Variants in NOP9 observed in about 807,000 individuals in gnomAD.
NOP9 encodes the protein NOP9 nucleolar protein.
NOP9 carries 50 observed loss-of-function variants against 63.0 expected under a neutral mutation model. That is an observed-to-expected ratio of 0.79 (90% CI 0.63 to 1.00). NOP9 has a LOEUF of 1.00. Among genes scored for constraint, NOP9 ranks in the 50% least tolerant of loss-of-function variants. The pLI, the probability that NOP9 is intolerant of heterozygous loss-of-function variation, is 0.00. For missense variants in NOP9, 758 were observed against 803.0 expected, an observed-to-expected ratio of 0.94 and a Z score of 0.68; for synonymous variants, 343 against 332.8, an observed-to-expected ratio of 1.03 and a Z score of -0.33.
At chr14:24,292,142 G>A in the NOP9 span, 16 of 1,612,078 alleles carry the variant, frequency 9.9e-6, no homozygotes, top group South Asian at 3.3e-5. Flanking sequence ...TGCAGAGGCC[G>A]ACTCCCCTGT....
chr14:24,282,441 A>G, the NOP9 span, among the ~76,000 whole-genome samples: 1 of 152,160 alleles, frequency 6.6e-6, no homozygotes, highest in East Asian at 1.9e-4. Context: ...GGTGCCCAAT[A>G]AACCTGAATT....
chr14:24,293,176 T>C, the NOP9 span: 12 of 173,172 alleles, frequency 6.9e-5, no homozygotes, highest in Admixed American at 5.6e-4. Flanking sequence ...ATCATTTCTA[T>C]GTAAATCAAT....
At chr14:24,291,888 T>A in the NOP9 span, 1 of 602,878 alleles carries the variant, frequency 1.7e-6, no homozygotes, top group Non-Finnish European at 2.9e-6. Flanking sequence ...TGTTTGGACC[T>A]TCTAAGCTAG....
At chr14:24,287,618 A>G in the NOP9 span, among the ~76,000 whole-genome samples, 2 of 152,200 alleles carry the variant, frequency 1.3e-5, no homozygotes, top group Non-Finnish European at 2.9e-5. Context: ...CTGAATCTAA[A>G]TTTAAGCCAC....
chr14:24,296,733 G>A, upstream of NOP9: 2 of 1,614,158 alleles, frequency 1.2e-6, no homozygotes, highest in East Asian at 2.2e-5. Context: ...AAGTTCAAAG[G>A]GTACCTGGAC....
chr14:24,303,262 T>A (rs2041410007), intron 6 of NOP9, 48 bp downstream of exon 6: 1 of 1,610,446 alleles, frequency 6.2e-7, no homozygotes. Flanking sequence ...GTTCAACTTC[T>A]ACCTTTTAGG....
rs1322632321 is a variant in NOP9, at chr14:24,308,332, T to G, written c.*3237T>G. The G allele has an allele frequency of 1.4e-5, 3 of 219,702 alleles. No homozygotes were observed. Among genetic ancestry groups the G allele is most frequent in the Non-Finnish European group, 2.8e-5 (3 of 108,004 alleles). 13.6% of individuals were successfully genotyped at this position (219,702 alleles called of 1,614,324 possible). A position where few individuals can be genotyped will look rare whatever the true frequency, so the allele number is the denominator to read the frequency against. Reference sequence around the variant, plus strand: ...TAGGAAAAGGGAACCCGGGGCAGAGTGTGGGGAAGTGGGATGGCAGCATGG... The same window carrying G: ...TAGGAAAAGGGAACCCGGGGCAGAGGGTGGGGAAGTGGGATGGCAGCATGG... On this transcript the variant is annotated 3_prime_UTR_variant, in exon 10 of 10. Coordinates refer to ENST00000267425, the MANE Select transcript of NOP9 (RefSeq NM_174913.3).
In NOP9 at chr14:24,307,720, GA is replaced by G. The variant is rs892163147; in HGVS notation, c.*2627del. The stretch of plus-strand genomic sequence containing the variant: ...CACTGTGGAGTGGGGAGCAGGAGAG[GA>G]AGGGGTACTGGTTAGTCTCCTAGGG... On this transcript the variant is annotated 3_prime_UTR_variant, in exon 10 of 10. Coordinates refer to ENST00000267425, the MANE Select transcript of NOP9 (RefSeq NM_174913.3). The G allele has an allele frequency of 5.9e-6, 8 of 1,365,160 alleles. No individual in the cohort carries two copies. The African/African-American group carries it at 1.2e-4, about 20-fold the overall frequency. The allele number at this position is 1,365,160 out of a possible 1,614,324, so 84.6% of individuals were successfully genotyped here.
chr14:24,307,720 G>A lies in NOP9; in HGVS notation c.*2625G>A. The A allele has an allele frequency of 7.3e-7, 1 of 1,365,278 alleles. No individual in the cohort carries two copies. Among genetic ancestry groups the A allele is most frequent in the Non-Finnish European group, 1.0e-6 (1 of 976,714 alleles). 84.6% of individuals were successfully genotyped at this position (1,365,278 alleles called of 1,614,324 possible). Reference sequence around the variant, plus strand: ...CACTGTGGAGTGGGGAGCAGGAGAGGAAGGGGTACTGGTTAGTCTCCTAGG... The same window carrying A: ...CACTGTGGAGTGGGGAGCAGGAGAGAAAGGGGTACTGGTTAGTCTCCTAGG... On this transcript the variant is annotated 3_prime_UTR_variant, in exon 10 of 10. Coordinates refer to ENST00000267425, the MANE Select transcript of NOP9 (RefSeq NM_174913.3).
the NOP9 span, chr14:24,291,148 C>G: frequency 6.2e-7 from 1 of 1,614,150 alleles, no homozygotes; most frequent in Non-Finnish European, 8.5e-7. Flanking sequence ...CCGTCCACAT[C>G]CCGAAGGCCA....
chr14:24,290,417 T>G, the NOP9 span, among the ~76,000 whole-genome samples: 1 of 152,284 alleles, frequency 6.6e-6, no homozygotes, highest in South Asian at 2.1e-4. Context: ...GTGGAGCGAC[T>G]CTGCTCCTCA....
chr14:24,292,052 A>G, the NOP9 span: 1 of 1,126,972 alleles, frequency 8.9e-7, no homozygotes, highest in African/African-American at 1.5e-5. Flanking sequence ...TAAAGGAAAT[A>G]ATGTGTGTCC....
At chr14:24,294,270 A>C in the NOP9 span, 1 of 152,126 alleles carries the variant, frequency 6.6e-6, no homozygotes, top group East Asian at 1.9e-4. Context: ...ATACAAAGAT[A>C]CATGTATATT....
chr14:24,300,799 G>A lies in NOP9; in HGVS notation c.639G>A (p.Val213=), dbSNP rs769524796. 22 of 1,614,094 alleles carry A rather than the reference G, an allele frequency of 1.4e-5. No individual in the cohort carries two copies. In the East Asian group the frequency reaches 4.9e-4, roughly 36 times the overall value. Residue 213 remains valine (V), a synonymous_variant, in exon 2 of 10, where the codon GTG becomes GTA. Transcript: ENST00000267425. Reference sequence around the variant, plus strand: ...TCGTGGTCAGAACTCTGCTTCAGGTGTTAGGAGGGACTATTCTGGAGTCTG... The same window carrying A: ...TCGTGGTCAGAACTCTGCTTCAGGTATTAGGAGGGACTATTCTGGAGTCTG... ...GSFVVRTLLQ[V]LGGTILESER...
chr14:24,303,109 G>C lies in NOP9; in HGVS notation c.1179G>C (p.Leu393Phe), dbSNP rs1175207162. ...TGTTTGAGGAGCTGAGCCCTGTCTT[G>C]GAAGCTGTATTGGCCCAGGGCCACC... Reference protein sequence around the residue: ...SPVFEELSPVLEAVLAQGHPG... With the variant: ...SPVFEELSPVFEAVLAQGHPG... The change falls in exon 6 of 10, where the codon TTG becomes TTC. Residue 393 changes from leucine to phenylalanine, a missense_variant. Leu to Phe is a conservative substitution (Grantham distance 22). Coordinates refer to ENST00000267425, the MANE Select transcript of NOP9 (RefSeq NM_174913.3). The C allele has an allele frequency of 6.3e-7, 1 of 1,591,302 alleles. No individual in the cohort carries two copies. The highest frequency in any genetic ancestry group is 8.5e-7 in the Non-Finnish European group (1 of 1,170,860).
At chr14:24,290,082 C>T in the NOP9 span, among the ~76,000 whole-genome samples, 1 of 152,262 alleles carries the variant, frequency 6.6e-6, no homozygotes, top group Non-Finnish European at 1.5e-5. Context: ...ATTGCCTTGC[C>T]TCAGGCTAGG....
At chr14:24,276,864 G>A in the NOP9 span, among the ~76,000 whole-genome samples, 4 of 152,216 alleles carry the variant, frequency 2.6e-5, no homozygotes, top group Non-Finnish European at 5.9e-5. Flanking sequence ...ACAAATCACA[G>A]ATGTGCAGCT....
chr14:24,298,526 G>A (rs1422846498), upstream of NOP9, among the ~76,000 whole-genome samples: 1 of 152,148 alleles, frequency 6.6e-6, no homozygotes, highest in Non-Finnish European at 1.5e-5. Flanking sequence ...GAAAGCACAG[G>A]TCCACAACCC....
At chr14:24,302,140 G>T in intron 4 of NOP9, 34 bp downstream of exon 4, 2 of 1,605,754 alleles carry the variant, frequency 1.2e-6, no homozygotes, top group Non-Finnish European at 1.7e-6. Flanking sequence ...ACCCAAGTTG[G>T]CGGGGCTGTG....
Sources: gnomAD v4.1 joint callset for allele counts (sites outside exome capture counted in the v4.1 genomes callset) on GRCh38, gnomAD v4.1.1 for gene constraint, MANE v1.5 for transcripts, NCBI Gene and HGNC (gene_info 2026-07-23, HGNC 2026-07-21) for gene names.